The following TNIK variants were observed in gnomAD, a reference collection of about 807,000 sequenced individuals.
TNIK encodes TRAF2 and NCK interacting kinase.
TNIK carries 49 observed loss-of-function variants against 191.3 expected under a neutral mutation model. The ratio of observed to expected loss-of-function variants is 0.26; its 90% CI spans 0.20 to 0.32. The LOEUF is 0.32. TNIK is among the 10% of genes least tolerant of loss of function. TNIK has a pLI of 1.00. For synonymous variants in TNIK, 594 were observed against 600.9 expected, an observed-to-expected ratio of 0.99 and a Z score of 0.17; for missense variants, 1,155 against 1,702.3, an observed-to-expected ratio of 0.68 and a Z score of 5.66.
chr3:171,219,224 ATATT>A (rs1313240620), intron 3 of TNIK, among the ~76,000 whole-genome samples: 2 of 138,082 alleles, frequency 1.4e-5, no homozygotes, highest in Non-Finnish European at 3.0e-5. Flanking sequence ...TAAATTATAT[ATATT>A]ATTATAATTA....
rs150155665 is a variant in TNIK at position 171,307,342 on chromosome 3, G to A, written c.123+62278C>T. 4.4e-3 allele frequency among the ~76,000 whole-genome samples: 664 copies of A among 152,162 alleles called. 9 individuals carry two copies. The highest frequency in any genetic ancestry group is 0.015 in the African/African-American group (635 of 41,510). ...TCATCCATGTCAACCAGGACTTCAA[G>A]GGAAGGCCTCTTCTTACATATTTCC... On this transcript the variant is annotated intron_variant, in intron 2 of 32. Transcript: ENST00000436636.
chr3:171,392,728 G>A (rs954576226), intron 1 of TNIK, among the ~76,000 whole-genome samples: 4 of 142,772 alleles, frequency 2.8e-5, no homozygotes, highest in Middle Eastern at 4.2e-3. Flanking sequence ...GCAGTGAGCC[G>A]AGATCGTGCC....
intron 27 of TNIK, 122 bp from the exon 28 acceptor site, chr3:171,079,774 A>G (rs1447361817): frequency 6.8e-6 from 8 of 1,175,732 alleles, no homozygotes; most frequent in Middle Eastern, 2.9e-4. Context: ...TGAAGGCATA[A>G]TAACCAGTGT....
intron 22 of TNIK, among the ~76,000 whole-genome samples, chr3:171,096,379 C>T (rs1414009293): frequency 1.3e-5 from 2 of 152,136 alleles, no homozygotes; most frequent in African/African-American, 4.8e-5. Flanking sequence ...CTTCTACTTT[C>T]AATCTTCAGT....
At chr3:171,094,694 T>A (rs1398544812) in intron 22 of TNIK, among the ~76,000 whole-genome samples, 1 of 152,194 alleles carries the variant, frequency 6.6e-6, no homozygotes, top group Non-Finnish European at 1.5e-5. Flanking sequence ...CTTTCCACTC[T>A]GGCCTTGGTT....
At chr3:171,274,071 C>T (rs1749438036) in intron 2 of TNIK, among the ~76,000 whole-genome samples, 1 of 152,132 alleles carries the variant, frequency 6.6e-6, no homozygotes, top group African/African-American at 2.4e-5. Flanking sequence ...CTTCCATTTT[C>T]AAAAATGTTT....
intron 2 of TNIK, chr3:171,347,283 GCA>G: frequency 6.7e-7 from 1 of 1,482,746 alleles, no homozygotes; most frequent in South Asian, 1.3e-5. Flanking sequence ...AACACATAGA[GCA>G]CACTCTCTTC....
chr3:171,191,308 C>T (rs890053404), intron 5 of TNIK, among the ~76,000 whole-genome samples: 14 of 152,170 alleles, frequency 9.2e-5, no homozygotes, highest in African/African-American at 3.4e-4. Context: ...AGTGCAATGG[C>T]GTGGTCTGGG....
intron 2 of TNIK, among the ~76,000 whole-genome samples, chr3:171,313,138 TA>T (rs1754232107): frequency 6.6e-6 from 1 of 152,188 alleles, no homozygotes; most frequent in Non-Finnish European, 1.5e-5. Flanking sequence ...AGGTAGTTTA[TA>T]AACTCAAAAC....
At chr3:171,118,237 T>G (rs1006839375) in intron 18 of TNIK, among the ~76,000 whole-genome samples, 20 of 152,252 alleles carry the variant, frequency 1.3e-4, no homozygotes, top group Admixed American at 2.0e-4. Flanking sequence ...ACAAGGGACG[T>G]GAAGGACCTC....
chr3:171,200,042 ATGTTTT>A (rs539651962), intron 4 of TNIK, among the ~76,000 whole-genome samples: 74 of 152,302 alleles, frequency 4.9e-4, no homozygotes, highest in Middle Eastern at 3.4e-3. Context: ...CCAGAGACAC[ATGTTTT>A]TGTTTTTGTT....
At chr3:171,282,587 A>G (rs1488679001) in intron 2 of TNIK, among the ~76,000 whole-genome samples, 1 of 152,032 alleles carries the variant, frequency 6.6e-6, no homozygotes, top group African/African-American at 2.4e-5. Flanking sequence ...TAGGTGATCC[A>G]CCTGCCTCGG....
intron 2 of TNIK, among the ~76,000 whole-genome samples, chr3:171,362,131 C>T (rs893015052): frequency 6.6e-6 from 1 of 152,168 alleles, no homozygotes; most frequent in African/African-American, 2.4e-5. Context: ...ATTCAGAAAC[C>T]ATTTTCACCC....
intron 1 of TNIK, among the ~76,000 whole-genome samples, chr3:171,411,949 G>GAAT (rs1407593960): frequency 6.6e-6 from 1 of 152,148 alleles, no homozygotes; most frequent in Non-Finnish European, 1.5e-5. Context: ...GGTTCTGTCT[G>GAAT]AATCCTTTCT....
At chr3:171,212,677 A>C (rs1740981449) in intron 3 of TNIK, among the ~76,000 whole-genome samples, 1 of 152,166 alleles carries the variant, frequency 6.6e-6, no homozygotes, top group South Asian at 2.1e-4. Flanking sequence ...TAAACTCAGG[A>C]ATCCTCCCTG....
chr3:171,211,412 T>A (rs1238623215), intron 3 of TNIK, among the ~76,000 whole-genome samples, 171 bp from the exon 4 acceptor site: 1 of 152,152 alleles, frequency 6.6e-6, no homozygotes, highest in African/African-American at 2.4e-5. Flanking sequence ...ACATTGGCTG[T>A]CCAAGAGACT....
Position 171,060,038 on chromosome 3 carries a change from A to C in TNIK, c.*3843T>G, listed in dbSNP as rs1438102371. Among the ~76,000 whole-genome samples, 1 of 152,204 alleles carries C rather than the reference A, an allele frequency of 6.6e-6. No individual in the cohort carries two copies. The highest frequency in any genetic ancestry group is 6.5e-5 in the Admixed American group (1 of 15,272). On this transcript the variant is annotated 3_prime_UTR_variant, in exon 33 of 33. Coordinates refer to ENST00000436636, the MANE Select transcript of TNIK (RefSeq NM_015028.4). ...ATAACTATTTTTTTTCTTAAAAATA[A>C]TGTAGCACATCTTACATCTTAAAGC... is the stretch of plus-strand genomic sequence containing the variant.
chr3:171,320,663 GAAAC>G (rs1023902338), intron 2 of TNIK, among the ~76,000 whole-genome samples: 17 of 152,154 alleles, frequency 1.1e-4, no homozygotes, highest in African/African-American at 2.9e-4. Flanking sequence ...TTTTGATTCA[GAAAC>G]AAACAAACTT....
intron 1 of TNIK, among the ~76,000 whole-genome samples, chr3:171,411,689 G>C (rs900601221): frequency 6.6e-6 from 1 of 152,076 alleles, no homozygotes; most frequent in Non-Finnish European, 1.5e-5. Flanking sequence ...AAAACTTCAG[G>C]TTATTTTAAA....
Sources: allele counts gnomAD v4.1 joint callset (sites outside exome capture counted in the v4.1 genomes callset), GRCh38; gene constraint gnomAD v4.1.1; transcripts MANE v1.5; gene names NCBI Gene and HGNC (gene_info 2026-07-23, HGNC 2026-07-21).